The following PTPRG variants were observed in gnomAD, a reference collection of about 807,000 sequenced individuals.
PTPRG encodes protein tyrosine phosphatase receptor type G.
Under a neutral mutation model 165.3 loss-of-function variants are expected in PTPRG, and 102 were observed. The observed-to-expected ratio is 0.62, with a 90% confidence interval of 0.53 to 0.73. The LOEUF (loss-of-function observed/expected upper bound fraction) is 0.73, where lower values mean the gene tolerates loss of function less well. PTPRG is among the 30% of genes least tolerant of loss of function. The pLI, the probability that PTPRG is intolerant of heterozygous loss-of-function variation, is 0.00. For missense variants in PTPRG, 1,866 were observed against 1,861.4 expected, an observed-to-expected ratio of 1.00 and a Z score of -0.05; for synonymous variants, 675 against 669.5, an observed-to-expected ratio of 1.01 and a Z score of -0.13.
At chr3:61,867,158 C>T (rs560778463) in intron 2 of PTPRG, among the ~76,000 whole-genome samples, 1 of 152,276 alleles carries the variant, frequency 6.6e-6, no homozygotes, top group East Asian at 1.9e-4. Context: ...GATTCAGCAA[C>T]AGCAGGCATT....
At chr3:62,070,658 T>C (rs1701178536) in intron 4 of PTPRG, among the ~76,000 whole-genome samples, 1 of 152,150 alleles carries the variant, frequency 6.6e-6, no homozygotes, top group Admixed American at 6.5e-5. Flanking sequence ...TACAAAATAA[T>C]TTAAAAATCA....
intron 2 of PTPRG, among the ~76,000 whole-genome samples, chr3:61,796,965 C>T (rs560114308): frequency 1.6e-4 from 25 of 152,210 alleles, no homozygotes; most frequent in Middle Eastern, 3.4e-3. Context: ...TGTTTTCTCC[C>T]GGGTGAAGGG....
chr3:61,700,766 T>C (rs975329181), intron 1 of PTPRG, among the ~76,000 whole-genome samples: 4 of 152,196 alleles, frequency 2.6e-5, no homozygotes, highest in Non-Finnish European at 5.9e-5. Context: ...AATTCCCCTA[T>C]TTTTTTCACA....
chr3:61,995,084 C>CTTTTTTTTTT (rs761499179), intron 3 of PTPRG, among the ~76,000 whole-genome samples: 8 of 35,406 alleles, frequency 2.3e-4, no homozygotes, highest in African/African-American at 3.2e-4. Context: ...TTCTTTCTTT[C>CTTTTTTTTTT]TTTTTTTTTT....
intron 1 of PTPRG, among the ~76,000 whole-genome samples, chr3:61,621,442 G>T (rs1701455086): frequency 6.6e-6 from 1 of 152,198 alleles, no homozygotes; most frequent in Non-Finnish European, 1.5e-5. Flanking sequence ...CAGGTGTGGG[G>T]TGTAGGCATG....
chr3:62,079,769 G>T lies in PTPRG; in HGVS notation c.615+1511G>T, dbSNP rs148485250. Among the ~76,000 whole-genome samples the T allele has an allele frequency of 3.9e-3, 590 of 152,316 alleles. 1 individual carries two copies. Among genetic ancestry groups the T allele is most frequent in the Non-Finnish European group, 7.1e-3 (484 of 68,030 alleles). On this transcript the variant is annotated intron_variant, in intron 5 of 29. Transcript: ENST00000474889. ...TTTTGAATTCCATGATTTCTGCAGT[G>T]TAATGGTAATGTAGTTATTTAAACT...
chr3:62,095,279 A>G (rs879474331), intron 5 of PTPRG, among the ~76,000 whole-genome samples: 3 of 152,194 alleles, frequency 2.0e-5, no homozygotes, highest in Admixed American at 2.0e-4. Flanking sequence ...TGCATCCCCC[A>G]TGTGACCTTC....
chr3:62,242,873 T>C (rs1701195855), intron 14 of PTPRG, among the ~76,000 whole-genome samples: 1 of 152,050 alleles, frequency 6.6e-6, no homozygotes, highest in Non-Finnish European at 1.5e-5. Context: ...GGAGGACAGA[T>C]CCCAGTGACA....
chr3:61,969,614 A>C (rs1052039443), intron 2 of PTPRG, among the ~76,000 whole-genome samples: 1 of 152,062 alleles, frequency 6.6e-6, no homozygotes, highest in Non-Finnish European at 1.5e-5. Flanking sequence ...GGGAGTTGGA[A>C]CTGGCGCCTT....
chr3:62,166,597 A>G (rs942388000), intron 7 of PTPRG, among the ~76,000 whole-genome samples: 2 of 152,044 alleles, frequency 1.3e-5, no homozygotes, highest in Admixed American at 6.5e-5. Flanking sequence ...TGGCCTCCCA[A>G]AGCGGTGGGA....
chr3:62,281,731 C>T (rs1046040764), intron 27 of PTPRG, 22 bp downstream of exon 27: 3 of 1,593,596 alleles, frequency 1.9e-6, no homozygotes, highest in African/African-American at 2.7e-5. Flanking sequence ...CTCAGTTCCT[C>T]ACTAATAGCC....
At position 62,262,856 on chromosome 3, in the gene PTPRG, A is replaced by C. The variant is rs1429836077; in HGVS notation, c.2618A>C (p.Glu873Ala). ...ACTGCAGAGCATTCCAATCATCCAG[A>C]AAACAAGCACAAAAACAGATACATC... ...NITAEHSNHP[E>A]NKHKNRYINI... is the part of the protein sequence containing the mutation. Residue 873 changes from glutamate to alanine, a missense_variant, in exon 17 of 30, where the codon GAA becomes GCA. Physicochemically the swap from Glu to Ala is moderately radical, Grantham distance 107 (BLOSUM62 -1). Around this residue, in one of 3 missense-constraint regions of PTPRG, gnomAD observed 1,452 missense variants for 1,463.0 expected, o/e 0.99. Coordinates refer to ENST00000474889, the MANE Select transcript of PTPRG (RefSeq NM_002841.4). 1 of 1,613,984 alleles carries C rather than the reference A, an allele frequency of 6.2e-7. No individual in the cohort carries two copies. Among genetic ancestry groups the C allele is most frequent in the South Asian group, 1.1e-5 (1 of 91,076 alleles).
intron 4 of PTPRG, among the ~76,000 whole-genome samples, chr3:62,060,103 A>G (rs1429035912): frequency 6.6e-6 from 1 of 151,824 alleles, no homozygotes; most frequent in Non-Finnish European, 1.5e-5. Flanking sequence ...CTGTAGCCCC[A>G]GCTATTCCCC....
chr3:61,918,347 T>C (rs942630681), intron 2 of PTPRG, among the ~76,000 whole-genome samples: 8 of 152,014 alleles, frequency 5.3e-5, no homozygotes, highest in African/African-American at 1.9e-4. Context: ...AAATCAGTTA[T>C]TGAATGGGAA....
chr3:61,764,289 G>A (rs938945360), intron 2 of PTPRG, among the ~76,000 whole-genome samples: 1 of 152,138 alleles, frequency 6.6e-6, no homozygotes, highest in African/African-American at 2.4e-5. Context: ...GTGGAGCGTA[G>A]AAGTGAGGAG....
chr3:62,263,639 G>C (rs1289193197), intron 17 of PTPRG: 1 of 152,168 alleles, frequency 6.6e-6, no homozygotes, highest in Non-Finnish European at 1.5e-5. Context: ...CATTTAAATT[G>C]GACCACTTAA....
chr3:62,198,271 G>A (rs1700017816), intron 10 of PTPRG, among the ~76,000 whole-genome samples: 1 of 152,074 alleles, frequency 6.6e-6, no homozygotes, highest in Non-Finnish European at 1.5e-5. Context: ...GGTGCAGTAG[G>A]GGTTATTTTA....
intron 8 of PTPRG, among the ~76,000 whole-genome samples, chr3:62,180,317 G>T (rs1318755054): frequency 6.6e-6 from 1 of 152,154 alleles, no homozygotes; most frequent in East Asian, 1.9e-4. Context: ...GTGACCCGCT[G>T]TTTCTTCATA....
chr3:61,985,265 C>T lies in PTPRG; in HGVS notation c.191-4360C>T, dbSNP rs74442827. On this transcript the variant is annotated intron_variant, in intron 2 of 29. Coordinates refer to ENST00000474889, the MANE Select transcript of PTPRG (RefSeq NM_002841.4). ...GGAAGTGACTTCACTCAAGTGTCAC[C>T]GCCACCATAAGTTCCCTCCTGGGGA... Among the ~76,000 whole-genome samples, 156 of 152,308 alleles carry T rather than the reference C, an allele frequency of 1.0e-3. 1 individual carries two copies. The highest frequency in any genetic ancestry group is 0.01 in the Middle Eastern group (3 of 294).
Sources: allele counts gnomAD v4.1 joint callset (sites outside exome capture counted in the v4.1 genomes callset), GRCh38; gene constraint gnomAD v4.1.1; regional missense constraint gnomAD v4.1.1; transcripts MANE v1.5; gene names NCBI Gene and HGNC (gene_info 2026-07-23, HGNC 2026-07-21).